The following LSM3 variants were observed in gnomAD, a reference collection of about 807,000 sequenced individuals.
The protein encoded by LSM3 is LSM3 homolog, U6 small nuclear RNA and mRNA degradation associated, also known as U6 snRNA-associated Sm-like protein LSm3.
Under a neutral mutation model 15.4 loss-of-function variants are expected in LSM3, and 14 were observed. That is an observed-to-expected ratio of 0.91 (90% confidence interval 0.60 to 1.42). LSM3 has a LOEUF of 1.42. Among genes scored for constraint, LSM3 ranks in the 40% most tolerant of loss-of-function variants. LSM3 has a pLI of 0.00. For synonymous variants in LSM3, 46 were observed against 45.1 expected, an observed-to-expected ratio of 1.02 and a Z score of -0.08; for missense variants, 88 against 127.9, an observed-to-expected ratio of 0.69 and a Z score of 1.50.
intron 3 of LSM3, among the ~76,000 whole-genome samples, chr3:14,185,235 C>T (rs1185719272): frequency 6.6e-6 from 1 of 151,992 alleles, no homozygotes; most frequent in Non-Finnish European, 1.5e-5. Context: ...ACTGGCAATC[C>T]CAGCTACTCG....
At chr3:14,195,529 T>C (rs185692801) in intron 3 of LSM3, among the ~76,000 whole-genome samples, 1 of 152,210 alleles carries the variant, frequency 6.6e-6, no homozygotes, top group African/African-American at 2.4e-5. Context: ...ACAGATAAAA[T>C]TGGAATGTCA....
At chr3:14,185,217 C>A (rs953826308) in intron 3 of LSM3, among the ~76,000 whole-genome samples, 2 of 147,214 alleles carry the variant, frequency 1.4e-5, no homozygotes, top group Admixed American at 1.3e-4. Flanking sequence ...CCGGCCGTGG[C>A]GGCAGGCACT....
chr3:14,197,117 C>G lies in LSM3; in HGVS notation c.229-919C>G, dbSNP rs73142686. 9.9e-3 allele frequency among the ~76,000 whole-genome samples: 1,511 copies of G among 152,360 alleles called. 26 individuals are homozygous for G. Among genetic ancestry groups the G allele is most frequent in the African/African-American group, 0.034 (1,419 of 41,590 alleles). On this transcript the variant is annotated intron_variant, in intron 3 of 3. Transcript: ENST00000306024. ...TTTTGCTGGGCCTTGTTTCTCAAAGCCTTTTTTCATACTTATTTCTGTAAC... is the reference window on the plus strand; with the variant it reads ...TTTTGCTGGGCCTTGTTTCTCAAAGGCTTTTTTCATACTTATTTCTGTAAC...
chr3:14,190,180 A>G (rs868811465), intron 3 of LSM3, among the ~76,000 whole-genome samples: 2 of 152,314 alleles, frequency 1.3e-5, no homozygotes, highest in Middle Eastern at 3.4e-3. Flanking sequence ...TACCAGTACC[A>G]TGCTGTTTTG....
At chr3:14,179,211 A>T (rs886805113) in intron 1 of LSM3, among the ~76,000 whole-genome samples, 1 of 152,198 alleles carries the variant, frequency 6.6e-6, no homozygotes, top group Non-Finnish European at 1.5e-5. Flanking sequence ...GAGCGCAACA[A>T]TTATTTATTC....
At chr3:14,191,745 G>T (rs1697141788) in intron 3 of LSM3, among the ~76,000 whole-genome samples, 1 of 151,848 alleles carries the variant, frequency 6.6e-6, no homozygotes, top group African/African-American at 2.4e-5. Context: ...TGGATTCATT[G>T]ATTATTTTTT....
intron 3 of LSM3, among the ~76,000 whole-genome samples, chr3:14,195,792 C>T (rs1168855914): frequency 6.6e-6 from 1 of 152,204 alleles, no homozygotes; most frequent in Non-Finnish European, 1.5e-5. Context: ...AGGGTGGCTC[C>T]TGCACCCACC....
At chr3:14,197,174 C>T (rs1389752430) in intron 3 of LSM3, among the ~76,000 whole-genome samples, 1 of 152,182 alleles carries the variant, frequency 6.6e-6, no homozygotes, top group Non-Finnish European at 1.5e-5. Flanking sequence ...CTTTTCTAAC[C>T]CTGTGAATCC....
chr3:14,185,376 A>AAAAC (rs1697079576), intron 3 of LSM3, among the ~76,000 whole-genome samples: 1 of 149,640 alleles, frequency 6.7e-6, no homozygotes, highest in African/African-American at 2.5e-5. Context: ...CAAAACAAAA[A>AAAAC]AAAACCTATC....
At chr3:14,180,337 G>A (rs1574986454) in intron 1 of LSM3, among the ~76,000 whole-genome samples, 1 of 151,744 alleles carries the variant, frequency 6.6e-6, no homozygotes, top group East Asian at 1.9e-4. Context: ...CGCCCAGGCT[G>A]GAGTGCAGTG....
At chr3:14,196,675 G>A (rs1013429752) in intron 3 of LSM3, among the ~76,000 whole-genome samples, 6 of 152,166 alleles carry the variant, frequency 3.9e-5, no homozygotes, top group African/African-American at 1.4e-4. Context: ...TCCAATGTTT[G>A]GAACTTATAC....
intron 1 of LSM3, among the ~76,000 whole-genome samples, chr3:14,180,841 TTTTTTTTTTTTTTTTTAAA>T (rs1559390202): frequency 2.4e-5 from 3 of 126,256 alleles, no homozygotes; most frequent in African/African-American, 6.6e-5. Flanking sequence ...TTTTTTTTTT[TTTTTTTTTTTTTTTTTAAA>T]AAAAAAAAAG....
chr3:14,198,015 C>G, intron 3 of LSM3, 21 bp from the exon 4 acceptor site: 1 of 1,580,238 alleles, frequency 6.3e-7, no homozygotes, highest in Non-Finnish European at 8.7e-7. Flanking sequence ...CAAATATGTT[C>G]TGTTTTTTTT....
intron 3 of LSM3, among the ~76,000 whole-genome samples, chr3:14,196,937 C>T (rs978212260): frequency 1.3e-5 from 2 of 152,198 alleles, no homozygotes; most frequent in Non-Finnish European, 2.9e-5. Flanking sequence ...GGCATAGTTT[C>T]TAGGACTGCT....
chr3:14,187,864 T>G (rs940688029), intron 3 of LSM3, among the ~76,000 whole-genome samples: 1 of 152,230 alleles, frequency 6.6e-6, no homozygotes, highest in Non-Finnish European at 1.5e-5. Flanking sequence ...TCCTCCATAA[T>G]TGGAGTTTCC....
chr3:14,200,546 A>C lies in LSM3; in HGVS notation c.*2430A>C, dbSNP rs1190028087. ...TGAGGTGTCAGATTAGCCTAAGGGA[A>C]GCCTCTTCAGCAAGTATCATGCCTG... On this transcript the variant is annotated 3_prime_UTR_variant, in exon 4 of 4. Transcript: ENST00000306024. 1 of 151,908 alleles carries C rather than the reference A, an allele frequency of 6.6e-6. No individual in the cohort carries two copies. Among genetic ancestry groups the C allele is most frequent in the Non-Finnish European group, 1.5e-5 (1 of 68,040 alleles). 9.4% of individuals were successfully genotyped at this position (151,908 alleles called of 1,614,324 possible).
In LSM3 at chr3:14,179,238, G is replaced by T. The variant is rs150259650; in HGVS notation, c.21+357G>T. On this transcript the variant is annotated intron_variant, in intron 1 of 3. Coordinates refer to ENST00000306024, the MANE Select transcript of LSM3 (RefSeq NM_014463.3). ...TATTTATTCATTCAGCAGATAGAGT[G>T]AACATCAGCTTTGTATGGTTAGGCA... Among the ~76,000 whole-genome samples the T allele has an allele frequency of 4.6e-5, 7 of 152,330 alleles. No homozygotes were observed. The East Asian group carries it at 1.3e-3, about 29-fold the overall frequency.
intron 3 of LSM3, 92 bp downstream of exon 3, chr3:14,184,124 T>C: frequency 7.0e-7 from 1 of 1,436,406 alleles, no homozygotes; most frequent in Non-Finnish European, 9.2e-7. Context: ...CTGTCATGTT[T>C]TGACACCTAC....
At chr3:14,190,402 G>A (rs185039704) in intron 3 of LSM3, among the ~76,000 whole-genome samples, 103 of 152,242 alleles carry the variant, frequency 6.8e-4, no homozygotes, top group African/African-American at 2.3e-3. Flanking sequence ...CCATTTTCAT[G>A]ATATTGATTC....
Sources: gnomAD v4.1 joint callset for allele counts (sites outside exome capture counted in the v4.1 genomes callset) on GRCh38, gnomAD v4.1.1 for gene constraint, MANE v1.5 for transcripts, NCBI Gene and HGNC (gene_info 2026-07-23, HGNC 2026-07-21) for gene names.